NBPF20: variants seen among roughly 807,000 people sequenced by gnomAD.
The protein encoded by NBPF20 is NBPF member 20.
Under a neutral mutation model 68.1 loss-of-function variants are expected in NBPF20, and 90 were observed. The ratio of observed to expected loss-of-function variants is 1.32; its 90% CI spans 1.11 to 1.58. NBPF20 has a LOEUF of 1.58. Ranked by LOEUF, NBPF20 falls within the 40% of genes most tolerant of loss-of-function variation. The probability of loss-of-function intolerance (pLI) is 0.00; values close to 1 mark genes in which losing one functional copy is unlikely to be tolerated. For synonymous variants in NBPF20, 290 were observed against 228.1 expected (o/e 1.27, Z -2.45); for missense variants, 816 against 601.2 (o/e 1.36, Z -3.74).
chr1:145,410,559 C>T (rs1325204177), upstream of NBPF20, among the ~76,000 whole-genome samples: 1 of 150,688 alleles, frequency 6.6e-6, no homozygotes, highest in African/African-American at 2.4e-5. Flanking sequence ...GTGATCCGCC[C>T]GCCTCGGCCT....
chr1:145,390,339 C>CAA (rs1222162102), intron 13 of NBPF20, among the ~76,000 whole-genome samples: 3 of 64,722 alleles, frequency 4.6e-5, no homozygotes, highest in African/African-American at 3.1e-4. Context: ...CACACACACA[C>CAA]ACACAGACAC....
chr1:145,423,350 G>A, the NBPF20 span, among the ~76,000 whole-genome samples: 3 of 150,970 alleles, frequency 2.0e-5, no homozygotes, highest in African/African-American at 7.3e-5. Flanking sequence ...GAGGCAGGAG[G>A]ATCACCTGAG....
At chr1:145,405,024 GGA>G in intron 2 of NBPF20, 72 bp downstream of exon 7, 13 of 1,603,878 alleles carry the variant, frequency 8.1e-6, no homozygotes, top group Non-Finnish European at 1.1e-5. Context: ...TATTTTTGAT[GGA>G]GAGAGCATTT....
intron 9 of NBPF20, chr1:145,393,682 A>T: frequency 5.7e-6 from 8 of 1,405,744 alleles, no homozygotes; most frequent in Non-Finnish European, 6.7e-6. Context: ...GTCAACTTTC[A>T]CTAGGTTAGT....
chr1:145,423,993 GGA>G, the NBPF20 span, among the ~76,000 whole-genome samples: 1 of 104,000 alleles, frequency 9.6e-6, no homozygotes, highest in Admixed American at 1.0e-4. Flanking sequence ...TTTTTTTTTT[GGA>G]GACAGGGTCT....
At chr1:145,424,683 C>T in the NBPF20 span, among the ~76,000 whole-genome samples, 2 of 152,128 alleles carry the variant, frequency 1.3e-5, no homozygotes, top group Admixed American at 6.5e-5. Context: ...GAAAGGACGC[C>T]AAATGAGAAG....
the NBPF20 span, among the ~76,000 whole-genome samples, chr1:145,425,281 C>T: frequency 6.6e-6 from 1 of 151,068 alleles, no homozygotes. Flanking sequence ...TTGCGACAGC[C>T]GCAGCTCGAC....
chr1:145,402,371 C>G, exon 4 of NBPF20: 1 of 1,604,178 alleles, frequency 6.2e-7, no homozygotes, highest in Middle Eastern at 2.3e-4. Context: ...TGAACCAGGA[C>G]TTTATATTGC....
At chr1:145,409,979 T>A (rs497163), upstream of NBPF20, among the ~76,000 whole-genome samples, 10 of 152,022 alleles carry the variant, frequency 6.6e-5, no homozygotes, top group East Asian at 9.7e-4. Flanking sequence ...AGAAACAGCA[T>A]CCCGCCCCTC....
At chr1:145,352,254 A>G (rs1455931969) in intron 61 of NBPF20, among the ~76,000 whole-genome samples, 165 bp from the exon 67 acceptor site, 2 of 67,930 alleles carry the variant, frequency 2.9e-5, no homozygotes, top group African/African-American at 1.2e-4. Context: ...GAACAGGGCC[A>G]AATGGAAAAG....
chr1:145,419,735 G>A, the NBPF20 span, among the ~76,000 whole-genome samples: 3 of 152,220 alleles, frequency 2.0e-5, no homozygotes, highest in South Asian at 6.2e-4. Flanking sequence ...CTCAATGCCT[G>A]CAGTGGTGGG....
chr1:145,394,373 G>C (rs1373669951), intron 8 of NBPF20, among the ~76,000 whole-genome samples: 1 of 151,794 alleles, frequency 6.6e-6, no homozygotes, highest in East Asian at 1.9e-4. Flanking sequence ...AATGAAACTT[G>C]GTTCTACACA....
At chr1:145,397,525 AG>A (rs1421393774) in intron 7 of NBPF20, among the ~76,000 whole-genome samples, 5 of 152,250 alleles carry the variant, frequency 3.3e-5, no homozygotes, top group Admixed American at 1.3e-4. Flanking sequence ...TTTACAGAGA[AG>A]CAAATGCTGA....
chr1:145,415,469 G>A, the NBPF20 span, among the ~76,000 whole-genome samples: 23 of 151,444 alleles, frequency 1.5e-4, no homozygotes, highest in African/African-American at 2.7e-4. Flanking sequence ...CCCTTCCCAC[G>A]AGGCTGTATT....
chr1:145,425,369 G>T, the NBPF20 span, among the ~76,000 whole-genome samples: 1 of 152,040 alleles, frequency 6.6e-6, no homozygotes, highest in South Asian at 2.1e-4. Context: ...AACGCTGGGT[G>T]GACTTCGCTG....
chr1:145,422,053 AT>A, the NBPF20 span, among the ~76,000 whole-genome samples: 1 of 151,890 alleles, frequency 6.6e-6, no homozygotes, highest in Admixed American at 6.6e-5. Context: ...AAAAAAAAAA[AT>A]GGTTCGATGT....
At chr1:145,407,421 G>A (rs1462843489), upstream of NBPF20, among the ~76,000 whole-genome samples, 1 of 145,274 alleles carries the variant, frequency 6.9e-6, no homozygotes, top group Non-Finnish European at 1.5e-5. Flanking sequence ...ATATATACAT[G>A]TATACACGTA....
chr1:145,395,678 A>T (rs1466452059), intron 7 of NBPF20, among the ~76,000 whole-genome samples: 27 of 149,244 alleles, frequency 1.8e-4, no homozygotes, highest in Admixed American at 8.6e-4. Context: ...CACATCGGAG[A>T]GAATAGGCAA....
At position 145,291,694 on chromosome 1, in the gene NBPF20, C is replaced by T. The variant is rs374336518; in HGVS notation, c.16773G>A (p.Pro5591=). The T allele has an allele frequency of 1.3e-3, 2,100 of 1,611,884 alleles. 29 individuals carry two copies. The African/African-American group carries it at 0.024, about 19-fold the overall frequency. ...AGTCAGGTAGTTCAAAGTACATTGA[C>T]GGAGTAGAATAACATCCATCCAGTG... The change falls in exon 138 of 138, where the codon CCG becomes CCA. Residue 5591 remains proline (P), a synonymous_variant. Transcript: ENST00000369373.
Sources: gnomAD v4.1 joint callset for allele counts (sites outside exome capture counted in the v4.1 genomes callset) on GRCh38, gnomAD v4.1.1 for gene constraint, MANE v1.5 for transcripts, NCBI Gene and HGNC (gene_info 2026-07-23, HGNC 2026-07-21) for gene names.